CSMD3: variants seen among roughly 807,000 people sequenced by gnomAD.
CSMD3 encodes CUB and sushi domain-containing protein 3.
A neutral mutation model predicts 435.2 loss-of-function variants in CSMD3; 177 were observed. The ratio of observed to expected loss-of-function variants is 0.41; its 90% CI spans 0.36 to 0.46. The LOEUF is 0.46. CSMD3 is among the 20% of genes least tolerant of loss of function. The pLI, the probability that CSMD3 is intolerant of heterozygous loss-of-function variation, is 0.34. For synonymous variants in CSMD3, 1,656 were observed against 1,520.5 expected (o/e 1.09, Z -2.07); for missense variants, 4,265 against 4,504.6 (o/e 0.95, Z 1.52).
intron 32 of CSMD3, among the ~76,000 whole-genome samples, chr8:112,416,215 A>G (rs532956874): frequency 1.3e-5 from 2 of 152,284 alleles, no homozygotes; most frequent in South Asian, 4.1e-4. Context: ...GTTTCCCCAT[A>G]GCTGTTGTCA....
intron 13 of CSMD3, among the ~76,000 whole-genome samples, chr8:112,775,050 C>T (rs1452133685): frequency 6.6e-6 from 1 of 151,806 alleles, no homozygotes; most frequent in Non-Finnish European, 1.5e-5. Flanking sequence ...GTGTAAGATG[C>T]CCACCACTTA....
chr8:112,248,714 CT>C (rs2130179745), intron 63 of CSMD3, among the ~76,000 whole-genome samples: 1 of 152,252 alleles, frequency 6.6e-6, no homozygotes, highest in African/African-American at 2.4e-5. Context: ...ACTTCAGACT[CT>C]GAATTCCACC....
In CSMD3 at chr8:112,530,341, A is replaced by C. The variant is rs946604418; in HGVS notation, c.4565-13116T>G. Among the ~76,000 whole-genome samples, 6 of 152,212 alleles carry C rather than the reference A, an allele frequency of 3.9e-5. No individual in the cohort carries two copies. The South Asian group carries it at 8.3e-4, about 21-fold the overall frequency. On this transcript the variant is annotated intron_variant, in intron 27 of 70. Coordinates refer to ENST00000297405, the MANE Select transcript of CSMD3 (RefSeq NM_198123.2). ...AAATAAGAGTAACCTAAATAAATCC[A>C]TACTGAGACACATTACAAGCAAATT...
intron 1 of CSMD3, among the ~76,000 whole-genome samples, chr8:113,321,962 ATAT>A (rs954462054): frequency 1.1e-4 from 17 of 152,340 alleles, no homozygotes; most frequent in African/African-American, 2.9e-4. Flanking sequence ...AAATTTGGAA[ATAT>A]TATCTCCTCA....
chr8:112,454,367 A>T (rs1245110093), intron 32 of CSMD3, among the ~76,000 whole-genome samples: 1 of 152,166 alleles, frequency 6.6e-6, no homozygotes, highest in African/African-American at 2.4e-5. Flanking sequence ...CCGTGCATTC[A>T]GCAAAGATCT....
At chr8:113,309,714 A>C (rs1277360803) in intron 2 of CSMD3, 1 of 152,228 alleles carries the variant, frequency 6.6e-6, no homozygotes, top group Non-Finnish European at 1.5e-5. Context: ...CAATTTATTT[A>C]GAAATAATAT....
chr8:112,658,302 C>A (rs1047354154), intron 17 of CSMD3, among the ~76,000 whole-genome samples: 9 of 152,002 alleles, frequency 5.9e-5, no homozygotes, highest in Non-Finnish European at 1.2e-4. Flanking sequence ...CCACTTTATT[C>A]CTCAAAACCA....
At chr8:112,869,728 T>G (rs1434995219) in intron 10 of CSMD3, among the ~76,000 whole-genome samples, 2 of 152,200 alleles carry the variant, frequency 1.3e-5, no homozygotes, top group African/African-American at 4.8e-5. Context: ...TCTTGTCCTT[T>G]GCAGGGACAT....
chr8:112,748,195 G>C (rs557373346), intron 13 of CSMD3, among the ~76,000 whole-genome samples: 1 of 152,226 alleles, frequency 6.6e-6, no homozygotes, highest in African/African-American at 2.4e-5. Flanking sequence ...TCTGAGGAGA[G>C]AGAAGCTAAG....
intron 9 of CSMD3, among the ~76,000 whole-genome samples, chr8:112,928,695 C>T (rs2082994502): frequency 6.7e-6 from 1 of 148,256 alleles, no homozygotes. Context: ...CATTGTTGGA[C>T]ATTTGGGTTG....
intron 13 of CSMD3, among the ~76,000 whole-genome samples, chr8:112,751,474 T>C (rs1400398359): frequency 2.0e-5 from 3 of 152,142 alleles, no homozygotes; most frequent in Non-Finnish European, 4.4e-5. Context: ...TATAGGTCCA[T>C]CAATTAAACC....
At chr8:113,226,358 TACA>T (rs1242846002) in intron 3 of CSMD3, among the ~76,000 whole-genome samples, 10 of 151,620 alleles carry the variant, frequency 6.6e-5, no homozygotes, top group East Asian at 1.9e-4. Context: ...TTAATATGGC[TACA>T]ACATGGTTTA....
At chr8:113,358,221 T>C (rs1183377488) in intron 1 of CSMD3, among the ~76,000 whole-genome samples, 1 of 152,230 alleles carries the variant, frequency 6.6e-6, no homozygotes, top group Non-Finnish European at 1.5e-5. Context: ...TAAATTGTAA[T>C]ACAACTAAAT....
chr8:112,485,195 CA>C (rs1820005692), intron 31 of CSMD3, among the ~76,000 whole-genome samples: 1 of 152,058 alleles, frequency 6.6e-6, no homozygotes, highest in Non-Finnish European at 1.5e-5. Context: ...CGTATGAAAA[CA>C]AAATATGCTT....
intron 10 of CSMD3, among the ~76,000 whole-genome samples, chr8:112,871,988 A>G (rs1426951388): frequency 6.6e-6 from 1 of 152,058 alleles, no homozygotes; most frequent in Admixed American, 6.6e-5. Context: ...ATAGTGTATG[A>G]TATAATCCAC....
intron 24 of CSMD3, among the ~76,000 whole-genome samples, chr8:112,571,009 T>A (rs1829466055): frequency 6.6e-6 from 1 of 152,146 alleles, no homozygotes; most frequent in Non-Finnish European, 1.5e-5. Context: ...TTTTATTTTA[T>A]TTTATTTATT....
chr8:112,685,393 A>G lies in CSMD3; in HGVS notation c.2482+13T>C. The G allele has an allele frequency of 6.2e-7, 1 of 1,605,582 alleles. No individual in the cohort carries two copies. Among genetic ancestry groups the G allele is most frequent in the South Asian group, 1.1e-5 (1 of 90,744 alleles). Reference sequence around the variant, plus strand: ...ATATATTATATGGGAAAAAAACAGAAACAGAAACTTACTGTTGTAAGTGAT... The same window carrying G: ...ATATATTATATGGGAAAAAAACAGAGACAGAAACTTACTGTTGTAAGTGAT... On this transcript the variant is annotated intron_variant, in intron 15 of 70. Transcript: ENST00000297405.
chr8:113,148,299 C>A (rs866181596), intron 4 of CSMD3, among the ~76,000 whole-genome samples: 1 of 151,646 alleles, frequency 6.6e-6, no homozygotes, highest in East Asian at 2.0e-4. Context: ...CTCCTCACAG[C>A]CTTTTGCCAT....
intron 32 of CSMD3, among the ~76,000 whole-genome samples, chr8:112,453,508 T>C (rs62516474): frequency 0.43 from 64,747 of 151,750 alleles, 14,758 homozygotes; most frequent in Middle Eastern, 0.6. Flanking sequence ...GAAATAACAT[T>C]TACAATAGCC....
Sources: gnomAD v4.1 joint callset for allele counts (sites outside exome capture counted in the v4.1 genomes callset) on GRCh38, gnomAD v4.1.1 for gene constraint, MANE v1.5 for transcripts, NCBI Gene and HGNC (gene_info 2026-07-23, HGNC 2026-07-21) for gene names.